ARHGAP19: variants seen among roughly 807,000 people sequenced by gnomAD.
ARHGAP19 encodes Rho GTPase activating protein 19, also known as rho GTPase-activating protein 19.
A neutral mutation model predicts 60.9 loss-of-function variants in ARHGAP19; 48 were observed. That is an observed-to-expected ratio of 0.79 (90% CI 0.62 to 1.00). The LOEUF is 1.00. ARHGAP19 is among the 50% of genes least tolerant of loss of function. ARHGAP19 has a pLI of 0.00. For missense variants in ARHGAP19, 562 were observed against 597.2 expected, an observed-to-expected ratio of 0.94 and a Z score of 0.61; for synonymous variants, 209 against 215.5, an observed-to-expected ratio of 0.97 and a Z score of 0.27.
intron 9 of ARHGAP19, among the ~76,000 whole-genome samples, chr10:97,232,036 ATTGTGGTT>A (rs1478387905): frequency 1.4e-5 from 2 of 143,536 alleles, no homozygotes; most frequent in African/African-American, 5.3e-5. Context: ...GTGGTATCTA[ATTGTGGTT>A]TTGATTTACA....
intron 4 of ARHGAP19, among the ~76,000 whole-genome samples, chr10:97,260,163 G>T (rs985658192): frequency 7.3e-5 from 11 of 151,210 alleles, no homozygotes; most frequent in Admixed American, 4.6e-4. Context: ...TACAGGATTT[G>T]AATAGACATT....
At chr10:97,282,036 T>C (rs1217526997) in intron 1 of ARHGAP19, among the ~76,000 whole-genome samples, 3 of 152,144 alleles carry the variant, frequency 2.0e-5, no homozygotes, top group African/African-American at 7.2e-5. Flanking sequence ...CCAATACGTA[T>C]TTTCCCCTTC....
At chr10:97,290,915 G>A (rs1843222446) in intron 1 of ARHGAP19, among the ~76,000 whole-genome samples, 2 of 152,048 alleles carry the variant, frequency 1.3e-5, no homozygotes, top group South Asian at 2.1e-4. Flanking sequence ...AACAGCACTT[G>A]GGTTTTCCTG....
rs899559889 is a variant in ARHGAP19 at position 97,281,740 on chromosome 10, C to T, written c.56+10832G>A. Among the ~76,000 whole-genome samples the T allele has an allele frequency of 7.2e-5, 11 of 152,042 alleles. No homozygotes were observed. The South Asian group carries it at 1.0e-3, about 14-fold the overall frequency. Reference sequence around the variant, plus strand: ...AAAGATGATACAAGATCATTAATAGCCAAATGCATGATACAGACAATAAAG... The same window carrying T: ...AAAGATGATACAAGATCATTAATAGTCAAATGCATGATACAGACAATAAAG... On this transcript the variant is annotated intron_variant, in intron 1 of 11. Transcript: ENST00000358531.
intron 1 of ARHGAP19, among the ~76,000 whole-genome samples, chr10:97,281,705 C>T (rs1160580661): frequency 1.3e-5 from 2 of 152,088 alleles, no homozygotes; most frequent in East Asian, 3.8e-4. Context: ...TAGCTAAAGA[C>T]CACAACGCAA....
chr10:97,253,322 G>A (rs1842712821), intron 6 of ARHGAP19, among the ~76,000 whole-genome samples: 1 of 150,818 alleles, frequency 6.6e-6, no homozygotes, highest in Non-Finnish European at 1.5e-5. Context: ...AGGCTGCAGT[G>A]AGCTGAGATT....
At chr10:97,258,458 T>C (rs2134875607) in intron 5 of ARHGAP19, among the ~76,000 whole-genome samples, 1 of 152,156 alleles carries the variant, frequency 6.6e-6, no homozygotes, top group Non-Finnish European at 1.5e-5. Flanking sequence ...TGCTTGAACC[T>C]GGGAGGCAGA....
At chr10:97,229,276 T>A in intron 10 of ARHGAP19, 51 bp from the exon 11 acceptor site, 1 of 1,379,946 alleles carries the variant, frequency 7.2e-7, no homozygotes, top group Non-Finnish European at 1.0e-6. Context: ...GCCATTCCTA[T>A]AGACAGACTT....
chr10:97,233,106 G>A (rs887134536), intron 9 of ARHGAP19, among the ~76,000 whole-genome samples: 6 of 151,756 alleles, frequency 4.0e-5, no homozygotes, highest in Non-Finnish European at 8.8e-5. Context: ...CTGAGATCAC[G>A]CCACTGCACT....
chr10:97,292,311 G>A (rs1843246964), intron 1 of ARHGAP19, among the ~76,000 whole-genome samples: 1 of 152,232 alleles, frequency 6.6e-6, no homozygotes, highest in South Asian at 2.1e-4. Context: ...GATCAGCGCT[G>A]CCACCCCCAG....
At chr10:97,264,792 A>T in intron 3 of ARHGAP19, 34 bp downstream of exon 3, 1 of 1,515,926 alleles carries the variant, frequency 6.6e-7, no homozygotes, top group Non-Finnish European at 9.1e-7. Context: ...ATTCTTCATT[A>T]AACAAAGAAT....
chr10:97,258,735 G>A (rs1334089932), intron 5 of ARHGAP19: 1 of 152,418 alleles, frequency 6.6e-6, no homozygotes, highest in East Asian at 1.9e-4. Context: ...CTCCTCCAGC[G>A]TGGGCAACAA....
intron 9 of ARHGAP19, among the ~76,000 whole-genome samples, chr10:97,231,443 C>T (rs942955825): frequency 6.6e-6 from 1 of 152,158 alleles, no homozygotes; most frequent in African/African-American, 2.4e-5. Context: ...ATACTGTACC[C>T]ATTAAATAAT....
chr10:97,272,989 C>A (rs546042707), intron 1 of ARHGAP19, among the ~76,000 whole-genome samples: 6 of 151,608 alleles, frequency 4.0e-5, no homozygotes, highest in Non-Finnish European at 7.4e-5. Context: ...TACAGGTGCC[C>A]GCCACCACGC....
intron 6 of ARHGAP19, among the ~76,000 whole-genome samples, chr10:97,246,626 G>T (rs1422739532): frequency 6.6e-6 from 1 of 152,116 alleles, no homozygotes; most frequent in Non-Finnish European, 1.5e-5. Context: ...CAAAAACATA[G>T]ACATTTGTAG....
At chr10:97,245,416 A>G (rs1270831554) in intron 7 of ARHGAP19, among the ~76,000 whole-genome samples, 1 of 151,934 alleles carries the variant, frequency 6.6e-6, no homozygotes, top group Non-Finnish European at 1.5e-5. Flanking sequence ...ACTTGAGCCC[A>G]GGAGTTTGAG....
In ARHGAP19 at chr10:97,286,466, G is replaced by T. The variant is rs1037181790; in HGVS notation, c.56+6106C>A. Among the ~76,000 whole-genome samples, 10 of 152,252 alleles carry T rather than the reference G, an allele frequency of 6.6e-5. 1 individual carries two copies. The highest frequency in any genetic ancestry group is 4.6e-4 in the Admixed American group (7 of 15,274). ...AATTAGCTGGACGTGGTGGCACATG[G>T]CTGTAGTCCCAGCTACTGAGGAGGC... On this transcript the variant is annotated intron_variant, in intron 1 of 11. Transcript: ENST00000358531.
intron 8 of ARHGAP19, among the ~76,000 whole-genome samples, chr10:97,241,544 T>C (rs911269406): frequency 6.6e-6 from 1 of 151,688 alleles, no homozygotes; most frequent in Non-Finnish European, 1.5e-5. Flanking sequence ...TGAAACTCCA[T>C]CTTTACTAAA....
At chr10:97,228,949 C>G in intron 11 of ARHGAP19, 198 bp downstream of exon 11, 1 of 689,192 alleles carries the variant, frequency 1.5e-6, no homozygotes, top group African/African-American at 1.8e-5. Flanking sequence ...CAGCTCTACC[C>G]TTAGCACCCA....
Sources: gnomAD v4.1 joint callset for allele counts (sites outside exome capture counted in the v4.1 genomes callset) on GRCh38, gnomAD v4.1.1 for gene constraint, MANE v1.5 for transcripts, NCBI Gene and HGNC (gene_info 2026-07-23, HGNC 2026-07-21) for gene names.